CEP41: variants seen among roughly 807,000 people sequenced by gnomAD.
The protein encoded by CEP41 is centrosomal protein 41.
Under a neutral mutation model 44.3 loss-of-function variants are expected in CEP41, and 32 were observed. That is an observed-to-expected ratio of 0.72 (90% CI 0.54 to 0.97). The LOEUF (loss-of-function observed/expected upper bound fraction) is 0.97, where lower values mean the gene tolerates loss of function less well. Ranked by LOEUF, CEP41 falls within the 50% of genes least tolerant of loss-of-function variation. The pLI, the probability that CEP41 is intolerant of heterozygous loss-of-function variation, is 0.00. For synonymous variants in CEP41, 151 were observed against 168.5 expected, an observed-to-expected ratio of 0.90 and a Z score of 0.80; for missense variants, 432 against 455.2, an observed-to-expected ratio of 0.95 and a Z score of 0.46.
intron 8 of CEP41, 56 bp downstream of exon 8, chr7:130,401,825 C>A (rs1174286463): frequency 2.5e-6 from 3 of 1,205,194 alleles, no homozygotes; most frequent in Non-Finnish European, 3.7e-6. Flanking sequence ...TTCATGATAA[C>A]TTTGATTCTT....
At chr7:130,437,438 A>G (rs1554426366) in intron 1 of CEP41, among the ~76,000 whole-genome samples, 1 of 151,860 alleles carries the variant, frequency 6.6e-6, no homozygotes, top group African/African-American at 2.4e-5. Context: ...TTTGGACTTC[A>G]CAACAACACA....
Position 130,397,453 on chromosome 7 carries a change from T to C in CEP41, c.*1438A>G, listed in dbSNP as rs1397590899. On this transcript the variant is annotated 3_prime_UTR_variant, in exon 11 of 11. Transcript: ENST00000223208. The stretch of plus-strand genomic sequence containing the variant: ...TCCATATGTCTCTATGAGATATTTA[T>C]TACGTTTATTTCTCATACAAACACA... 2 of 438,576 alleles carry C rather than the reference T, an allele frequency of 4.6e-6. No individual in the cohort carries two copies. Among genetic ancestry groups the C allele is most frequent in the Middle Eastern group, 7.5e-4 (1 of 1,342 alleles). The allele number at this position is 438,576 out of a possible 1,614,324, so 27.2% of individuals were successfully genotyped here. A position where few individuals can be genotyped will look rare whatever the true frequency, so the allele number is the denominator to read the frequency against.
intron 1 of CEP41, among the ~76,000 whole-genome samples, chr7:130,430,253 C>T (rs1797784952): frequency 6.6e-6 from 1 of 152,052 alleles, no homozygotes; most frequent in South Asian, 2.1e-4. Context: ...AGCCTCACAA[C>T]AACTATCTGC....
chr7:130,410,821 T>C (rs782279154), intron 5 of CEP41: 8 of 436,648 alleles, frequency 1.8e-5, no homozygotes, highest in Non-Finnish European at 3.4e-5. Context: ...TGCAGTCTCA[T>C]AGTACTTAAT....
intron 2 of CEP41, chr7:130,417,240 C>A: frequency 8.1e-7 from 1 of 1,239,450 alleles, no homozygotes; most frequent in Non-Finnish European, 1.0e-6. Context: ...TACAGATGAT[C>A]ATTTTCTATC....
chr7:130,439,435 T>C (rs1274150492), intron 1 of CEP41, among the ~76,000 whole-genome samples: 2 of 152,080 alleles, frequency 1.3e-5, no homozygotes, highest in African/African-American at 4.8e-5. Flanking sequence ...TTATTAACTA[T>C]AGTCACCATG....
At chr7:130,402,203 G>A (rs1245364513) in intron 7 of CEP41, among the ~76,000 whole-genome samples, 6 of 151,982 alleles carry the variant, frequency 3.9e-5, no homozygotes, top group Non-Finnish European at 8.8e-5. Flanking sequence ...AACATTAGCC[G>A]GGTGTTGTGG....
intron 7 of CEP41, among the ~76,000 whole-genome samples, chr7:130,402,213 G>T (rs1317386985): frequency 6.6e-6 from 1 of 152,048 alleles, no homozygotes; most frequent in African/African-American, 2.4e-5. Context: ...GGGTGTTGTG[G>T]CATATGCCTG....
intron 1 of CEP41, among the ~76,000 whole-genome samples, chr7:130,440,166 C>A (rs962143943): frequency 6.6e-6 from 1 of 152,072 alleles, no homozygotes; most frequent in Admixed American, 6.6e-5. Flanking sequence ...ATTACAGGCG[C>A]CTCACCACCA....
intron 2 of CEP41, among the ~76,000 whole-genome samples, chr7:130,425,650 G>A (rs1371237714): frequency 3.3e-5 from 5 of 152,188 alleles, no homozygotes; most frequent in Non-Finnish European, 5.9e-5. Context: ...GTACTCCTGA[G>A]CACTTATCCC....
At chr7:130,421,439 G>C (rs1797505457) in intron 2 of CEP41, 1 of 985,340 alleles carries the variant, frequency 1.0e-6, no homozygotes, top group African/African-American at 1.7e-5. Context: ...TAAGTGATAT[G>C]TGTGTATAGT....
rs1554415824 is a variant in CEP41, at chr7:130,398,446, G to A, written c.*445C>T. On this transcript the variant is annotated 3_prime_UTR_variant, in exon 11 of 11. Transcript: ENST00000223208. ...GGAAACAGCTTCTCACACCAAGACTGCCCGGAGAAGCCTTCATGAAGTCAA... is the reference window on the plus strand; with the variant it reads ...GGAAACAGCTTCTCACACCAAGACTACCCGGAGAAGCCTTCATGAAGTCAA... The A allele has an allele frequency of 2.2e-6, 1 of 454,262 alleles. No homozygotes were observed. The highest frequency in any genetic ancestry group is 4.4e-6 in the Non-Finnish European group (1 of 226,948). 28.1% of individuals were successfully genotyped at this position (454,262 alleles called of 1,614,324 possible). A position where few individuals can be genotyped will look rare whatever the true frequency, so the allele number is the denominator to read the frequency against.
chr7:130,404,477 G>T, intron 6 of CEP41, 87 bp downstream of exon 6: 1 of 1,108,854 alleles, frequency 9.0e-7, no homozygotes, highest in Non-Finnish European at 1.4e-6. Context: ...CTGTTTCTAA[G>T]GCAAGAAAAA....
In CEP41 at chr7:130,396,093, C is replaced by T; in HGVS notation, c.*2798G>A. On this transcript the variant is annotated 3_prime_UTR_variant, in exon 11 of 11. Coordinates refer to ENST00000223208, the MANE Select transcript of CEP41 (RefSeq NM_018718.3). ...CCATTTCCTTGCTTCTTTCTCCCTTCCTTTCTTTTTTTCTTTTCTCCCTTC... is the reference window on the plus strand; with the variant it reads ...CCATTTCCTTGCTTCTTTCTCCCTTTCTTTCTTTTTTTCTTTTCTCCCTTC... The T allele has an allele frequency of 2.2e-6, 1 of 454,014 alleles. No individual in the cohort carries two copies. The highest frequency in any genetic ancestry group is 4.4e-6 in the Non-Finnish European group (1 of 226,776). The allele number at this position is 454,014 out of a possible 1,614,324, so 28.1% of individuals were successfully genotyped here.
chr7:130,441,215 T>G, upstream of CEP41: 1 of 446,834 alleles, frequency 2.2e-6, no homozygotes. Flanking sequence ...TTCTCTGGGC[T>G]GGGGCTCGCC....
intron 3 of CEP41, among the ~76,000 whole-genome samples, chr7:130,414,433 T>C (rs1797275417): frequency 6.6e-6 from 1 of 152,172 alleles, no homozygotes; most frequent in Non-Finnish European, 1.5e-5. Context: ...AATCAGCAAA[T>C]GGAAACAGCC....
chr7:130,440,834 T>G, intron 1 of CEP41, 100 bp downstream of exon 1: 1 of 804,344 alleles, frequency 1.2e-6, no homozygotes. Context: ...CCTTCCCGCC[T>G]TCCGGGCGGC....
rs73152867 is a variant in CEP41, at chr7:130,396,502, C to T, written c.*2389G>A. The T allele has an allele frequency of 1.3e-3, 611 of 454,532 alleles. 3 individuals are homozygous for T. Among genetic ancestry groups the T allele is most frequent in the Non-Finnish European group, 1.9e-3 (426 of 226,790 alleles). 28.2% of individuals were successfully genotyped at this position (454,532 alleles called of 1,614,324 possible). A position where few individuals can be genotyped will look rare whatever the true frequency, so the allele number is the denominator to read the frequency against. On this transcript the variant is annotated 3_prime_UTR_variant, in exon 11 of 11. Coordinates refer to ENST00000223208, the MANE Select transcript of CEP41 (RefSeq NM_018718.3). Reference sequence around the variant, plus strand: ...CGACAGAAAAGAAGAGAGAAGTTGGCAGTTTTCAGCATATTAATAGCAAAC... The same window carrying T: ...CGACAGAAAAGAAGAGAGAAGTTGGTAGTTTTCAGCATATTAATAGCAAAC...
chr7:130,430,712 A>C (rs1797799534), intron 1 of CEP41, among the ~76,000 whole-genome samples: 1 of 150,112 alleles, frequency 6.7e-6, no homozygotes. Flanking sequence ...CTAATACTAC[A>C]TTGCAGTTAT....
Sources: allele counts gnomAD v4.1 joint callset (sites outside exome capture counted in the v4.1 genomes callset), GRCh38; gene constraint gnomAD v4.1.1; transcripts MANE v1.5; gene names NCBI Gene and HGNC (gene_info 2026-07-23, HGNC 2026-07-21).